Variants in CNTN1 observed in about 807,000 individuals in gnomAD.
CNTN1 encodes the protein contactin-1.
Under a neutral mutation model 126.4 loss-of-function variants are expected in CNTN1, and 38 were observed. The ratio of observed to expected loss-of-function variants is 0.30; its 90% CI spans 0.23 to 0.39. The LOEUF is 0.39. Among genes scored for constraint, CNTN1 ranks in the 10% least tolerant of loss-of-function variants. CNTN1 has a pLI of 1.00. For missense variants in CNTN1, 1,009 were observed against 1,248.4 expected, an observed-to-expected ratio of 0.81 and a Z score of 2.89; for synonymous variants, 413 against 422.6, an observed-to-expected ratio of 0.98 and a Z score of 0.28.
At chr12:40,722,125 G>A (rs903390490) in intron 1 of CNTN1, among the ~76,000 whole-genome samples, 1 of 152,120 alleles carries the variant, frequency 6.6e-6, no homozygotes, top group African/African-American at 2.4e-5. Context: ...AGCTAAGCAG[G>A]GACAAAAGAA....
rs533813484 is a variant in CNTN1 at position 41,070,532 on chromosome 12, A to G, written c.*497A>G. ...TATTATTGAATGGCCCCTATCATTC[A>G]TGACATCTTGAGTTTTCTTGAAAAG... On this transcript the variant is annotated 3_prime_UTR_variant, in exon 24 of 24. Coordinates refer to ENST00000551295, the MANE Select transcript of CNTN1 (RefSeq NM_001843.4). 1 of 157,444 alleles carries G rather than the reference A, an allele frequency of 6.4e-6. No homozygotes were observed. Among genetic ancestry groups the G allele is most frequent in the Non-Finnish European group, 1.4e-5 (1 of 70,980 alleles). The allele number at this position is 157,444 out of a possible 1,614,324, so 9.8% of individuals were successfully genotyped here.
chr12:40,941,067 C>T (rs765775308), intron 12 of CNTN1, among the ~76,000 whole-genome samples: 5 of 152,156 alleles, frequency 3.3e-5, no homozygotes, highest in Non-Finnish European at 7.3e-5. Context: ...AACTATGTTT[C>T]ATGGACTTGT....
At chr12:40,826,175 T>C (rs933315229) in intron 1 of CNTN1, among the ~76,000 whole-genome samples, 1 of 152,238 alleles carries the variant, frequency 6.6e-6, no homozygotes, top group African/African-American at 2.4e-5. Flanking sequence ...TATTGTACTC[T>C]ATATAACCTT....
chr12:40,988,945 A>C lies in CNTN1; in HGVS notation c.1964-4175A>C, dbSNP rs182576666. Among the ~76,000 whole-genome samples the C allele has an allele frequency of 3.3e-3, 502 of 152,344 alleles. 5 individuals are homozygous for C. Among genetic ancestry groups the C allele is most frequent in the Non-Finnish European group, 4.0e-3 (273 of 68,034 alleles). On this transcript the variant is annotated intron_variant, in intron 16 of 23. Coordinates refer to ENST00000551295, the MANE Select transcript of CNTN1 (RefSeq NM_001843.4). ...GACCCGGTTAAAAATCAGGTCTAGAACAAGGTCTGCTCCTGATCCATCCCC... is the reference window on the plus strand; with the variant it reads ...GACCCGGTTAAAAATCAGGTCTAGACCAAGGTCTGCTCCTGATCCATCCCC...
chr12:40,913,634 C>T (rs764207414), intron 3 of CNTN1, among the ~76,000 whole-genome samples: 1 of 152,032 alleles, frequency 6.6e-6, no homozygotes, highest in Non-Finnish European at 1.5e-5. Context: ...CTCTGAAGTA[C>T]AAATCATAAT....
chr12:40,842,324 T>C (rs12582790), intron 1 of CNTN1, among the ~76,000 whole-genome samples: 23,343 of 152,010 alleles, frequency 0.15, 1,805 homozygotes, highest in Middle Eastern at 0.21. Flanking sequence ...AAGTTCAGTG[T>C]TCAATAATAA....
At chr12:41,064,098 C>G (rs920967065) in intron 23 of CNTN1, among the ~76,000 whole-genome samples, 1 of 150,764 alleles carries the variant, frequency 6.6e-6, no homozygotes, top group East Asian at 2.0e-4. Context: ...GGCGTGAACC[C>G]GGGAGGCAGA....
At chr12:40,825,582 G>A (rs1296161045) in intron 1 of CNTN1, among the ~76,000 whole-genome samples, 3 of 152,082 alleles carry the variant, frequency 2.0e-5, no homozygotes, top group South Asian at 4.1e-4. Flanking sequence ...TGGAAAGATC[G>A]TTTAAGTGTT....
chr12:40,761,594 A>T (rs999197684), intron 1 of CNTN1, among the ~76,000 whole-genome samples: 6 of 152,110 alleles, frequency 3.9e-5, no homozygotes, highest in African/African-American at 2.4e-5. Flanking sequence ...AGGTTTTTTT[A>T]AAAATCTACT....
chr12:40,779,137 AT>A (rs1237576904), intron 1 of CNTN1, among the ~76,000 whole-genome samples: 4 of 151,862 alleles, frequency 2.6e-5, no homozygotes, highest in Admixed American at 2.6e-4. Context: ...TTTTTTAAGG[AT>A]TTTTGATAAT....
At chr12:40,948,258 C>CTTTTTTTTTTTTTTTTT (rs58087551) in intron 14 of CNTN1, among the ~76,000 whole-genome samples, 14 of 62,682 alleles carry the variant, frequency 2.2e-4, no homozygotes, top group Non-Finnish European at 2.8e-4. Flanking sequence ...TTCTTTCTTT[C>CTTTTTTTTTTTTTTTTT]TTTTTTTTTT....
At chr12:40,966,469 G>T (rs1022255913) in intron 15 of CNTN1, among the ~76,000 whole-genome samples, 8 of 151,986 alleles carry the variant, frequency 5.3e-5, no homozygotes, top group Admixed American at 1.3e-4. Context: ...AATACGACTG[G>T]GCTGGTTCTC....
intron 1 of CNTN1, among the ~76,000 whole-genome samples, chr12:40,714,102 A>G (rs1773185269): frequency 6.6e-6 from 1 of 152,152 alleles, no homozygotes; most frequent in East Asian, 1.9e-4. Flanking sequence ...AGAAAATAGC[A>G]TTCTCTACTT....
At chr12:40,795,845 A>G (rs1161831721) in intron 1 of CNTN1, among the ~76,000 whole-genome samples, 3 of 152,126 alleles carry the variant, frequency 2.0e-5, no homozygotes, top group Non-Finnish European at 4.4e-5. Flanking sequence ...TGTGTGTGGT[A>G]GGCAATGTGC....
At chr12:40,807,979 C>G (rs1388045895) in intron 1 of CNTN1, among the ~76,000 whole-genome samples, 3 of 152,112 alleles carry the variant, frequency 2.0e-5, no homozygotes, top group Non-Finnish European at 1.5e-5. Flanking sequence ...CAATGATTTT[C>G]CAAATTCTTT....
In CNTN1 at chr12:40,758,667, C is replaced by G. The variant is rs568059485; in HGVS notation, c.-77+66075C>G. On this transcript the variant is annotated intron_variant, in intron 1 of 23. Transcript: ENST00000551295. ...TGAAAGAGTATAATGAACTGCTACA[C>G]ATACATAATCCAGTTTCAACAGTTA... is the stretch of plus-strand genomic sequence containing the variant. Among the ~76,000 whole-genome samples the G allele has an allele frequency of 4.6e-5, 7 of 152,204 alleles. No individual in the cohort carries two copies. The South Asian group carries it at 1.5e-3, about 32-fold the overall frequency.
chr12:40,799,022 G>T (rs989194339), intron 1 of CNTN1, among the ~76,000 whole-genome samples: 1 of 151,662 alleles, frequency 6.6e-6, no homozygotes, highest in Non-Finnish European at 1.5e-5. Context: ...TCAGTAAATT[G>T]AATTACTGTT....
intron 1 of CNTN1, among the ~76,000 whole-genome samples, chr12:40,805,913 G>A (rs935035567): frequency 2.0e-5 from 3 of 152,080 alleles, no homozygotes; most frequent in Non-Finnish European, 4.4e-5. Flanking sequence ...CTCTAGCGTG[G>A]CCTGATGCTT....
chr12:41,004,731 T>C (rs968939177), intron 17 of CNTN1, among the ~76,000 whole-genome samples: 3 of 152,264 alleles, frequency 2.0e-5, no homozygotes, highest in Non-Finnish European at 4.4e-5. Flanking sequence ...AAGTCTGTTT[T>C]GTCAGAAACT....
Sources: allele counts gnomAD v4.1 joint callset (sites outside exome capture counted in the v4.1 genomes callset), GRCh38; gene constraint gnomAD v4.1.1; transcripts MANE v1.5; gene names NCBI Gene and HGNC (gene_info 2026-07-23, HGNC 2026-07-21).